TIMELESS: variants seen among roughly 807,000 people sequenced by gnomAD.
TIMELESS encodes the protein timeless circadian regulator, also known as protein timeless homolog.
In TIMELESS, 124 loss-of-function variants were observed where a neutral mutation model predicts 164.3. The ratio of observed to expected loss-of-function variants is 0.75; its 90% confidence interval spans 0.65 to 0.88. TIMELESS has a LOEUF of 0.88. TIMELESS is among the 40% of genes least tolerant of loss of function. TIMELESS has a pLI of 0.00. For synonymous variants in TIMELESS, 564 were observed against 563.4 expected (o/e 1.00, Z -0.02); for missense variants, 1,422 against 1,491.4 (o/e 0.95, Z 0.77).
intron 8 of TIMELESS, 142 bp from the exon 9 acceptor site, chr12:56,431,110 T>G (rs1881862476): frequency 1.8e-6 from 1 of 542,752 alleles, no homozygotes; most frequent in Admixed American, 4.0e-5. Context: ...TCCCAGCACT[T>G]TGGGAGGCTG....
Position 56,428,804 on chromosome 12 carries a change from A to C in TIMELESS, c.1304+79T>G. ...CCCCAGACTGATCACCTGAACCCTG[A>C]ATCAGGAAAAAAGCACCAGCCAGAA... On this transcript the variant is annotated intron_variant, in intron 11 of 28. Transcript: ENST00000553532. The C allele has an allele frequency of 2.6e-6, 4 of 1,534,802 alleles. No homozygotes were observed. The South Asian group carries it at 4.6e-5, about 18-fold the overall frequency.
Position 56,417,917 on chromosome 12 carries a change from G to A in TIMELESS, c.3546C>T (p.Gly1182=). 3 of 1,614,170 alleles carry A rather than the reference G, an allele frequency of 1.9e-6. No homozygotes were observed. Among genetic ancestry groups the A allele is most frequent in the African/African-American group, 1.3e-5 (1 of 75,036 alleles). The change falls in exon 28 of 29, where the codon GGC becomes GGT. Residue 1182 remains glycine, a synonymous_variant. Coordinates refer to ENST00000553532, the MANE Select transcript of TIMELESS (RefSeq NM_003920.5). ...DSDEEQEEDE[G]RNRAPELGAP... ...CATCAAATTCCCTACCTCTGTTCCT[G>A]CCCTCATCTTCTTCCTGTTCCTCGT...
intron 1 of TIMELESS, among the ~76,000 whole-genome samples, chr12:56,443,365 TG>T (rs1442767617): frequency 2.6e-5 from 4 of 152,210 alleles, no homozygotes; most frequent in Non-Finnish European, 5.9e-5. Context: ...AAATATGCCC[TG>T]GTCTCCTGCA....
In TIMELESS at chr12:56,417,284, T is replaced by A. The variant is rs1355087465; in HGVS notation, c.*432A>T. 1 of 178,218 alleles carries A rather than the reference T, an allele frequency of 5.6e-6. No homozygotes were observed. Among genetic ancestry groups the A allele is most frequent in the Non-Finnish European group, 1.2e-5 (1 of 82,978 alleles). 11.0% of individuals were successfully genotyped at this position (178,218 alleles called of 1,614,324 possible). A position where few individuals can be genotyped will look rare whatever the true frequency, so the allele number is the denominator to read the frequency against. On this transcript the variant is annotated 3_prime_UTR_variant, in exon 29 of 29. Transcript: ENST00000553532. ...AAAATGAGGACAGAGGCATCTGGTA[T>A]CTTCTAAAAGTGGTACAAAACTCCC...
intron 26 of TIMELESS, among the ~76,000 whole-genome samples, chr12:56,420,308 T>A (rs538135202): frequency 1.3e-5 from 2 of 151,758 alleles, no homozygotes; most frequent in Non-Finnish European, 2.9e-5. Context: ...AAGGGACAAC[T>A]GTAATCAAGA....
rs1565677142 is a variant in TIMELESS, at chr12:56,417,699, CT to C, written c.*16del. 2 of 1,614,060 alleles carry C rather than the reference CT, an allele frequency of 1.2e-6. No individual in the cohort carries two copies. Among genetic ancestry groups the C allele is most frequent in the Non-Finnish European group, 8.5e-7 (1 of 1,179,916 alleles). The stretch of plus-strand genomic sequence containing the variant: ...TCTAAAAACGTGTCTATCTCTACCC[CT>C]AGGCTTCTTAGCTCTTCAGTCATCC... On this transcript the variant is annotated 3_prime_UTR_variant, in exon 29 of 29. Coordinates refer to ENST00000553532, the MANE Select transcript of TIMELESS (RefSeq NM_003920.5).
rs372838377 is a variant in TIMELESS at position 56,418,200 on chromosome 12, G to T, written c.3388C>A (p.Arg1130=). The change falls in exon 27 of 29, where the codon CGA becomes AGA. Residue 1130 remains arginine, a synonymous_variant. Coordinates refer to ENST00000553532, the MANE Select transcript of TIMELESS (RefSeq NM_003920.5). ...GSDEEHCKEH[R]AQALRALLLA... is the part of the protein sequence containing the mutation. ...AAGAGGGCCCTCAGGGCTTGTGCTCGGTGCTCTTTACAGTGCTCCTCATCA... is the reference window on the plus strand; with the variant it reads ...AAGAGGGCCCTCAGGGCTTGTGCTCTGTGCTCTTTACAGTGCTCCTCATCA... 1.2e-5 allele frequency: 20 copies of T among 1,614,028 alleles called. No homozygotes were observed. The East Asian group carries it at 1.8e-4, about 14-fold the overall frequency.
At chr12:56,442,686 TG>T (rs1209504375) in intron 1 of TIMELESS, among the ~76,000 whole-genome samples, 1 of 152,184 alleles carries the variant, frequency 6.6e-6, no homozygotes, top group Non-Finnish European at 1.5e-5. Flanking sequence ...TAGGCCCAGA[TG>T]TGCTGGAGAA....
rs1375800321 is a variant in TIMELESS at position 56,424,931 on chromosome 12, T to C, written c.1717-18A>G. 10 of 1,614,032 alleles carry C rather than the reference T, an allele frequency of 6.2e-6. No individual in the cohort carries two copies. The highest frequency in any genetic ancestry group is 1.1e-5 in the South Asian group (1 of 91,084). On this transcript the variant is annotated intron_variant, in intron 14 of 28. Transcript: ENST00000553532. ...TCAGAATTCTAGAGATGGATAAAGC[T>C]ATGGGAGCGGAGGGAGTGGAAAACC...
chr12:56,422,251 AG>A, intron 19 of TIMELESS, 60 bp from the exon 20 acceptor site: 1 of 1,466,738 alleles, frequency 6.8e-7, no homozygotes, highest in East Asian at 2.3e-5. Flanking sequence ...AGGAGACCAA[AG>A]GCCTTCTCTG....
rs1186232342 is a variant in TIMELESS at position 56,424,830 on chromosome 12, C to G, written c.1800G>C (p.Met600Ile). Residue 600 changes from methionine to isoleucine, a missense_variant, in exon 15 of 29, where the codon ATG becomes ATC. Physicochemically the swap from Met to Ile is conservative, Grantham distance 10 (BLOSUM62 1). Coordinates refer to ENST00000553532, the MANE Select transcript of TIMELESS (RefSeq NM_003920.5). ...CCAGGAGACAGTCTTGGATCCGTAC[C>G]ATAGCTTCTGCCCGCTGCTCCTCCA... Reference protein sequence around the residue: ...VPVEEQRAEAMVRIQDCLLAG... With the variant: ...VPVEEQRAEAIVRIQDCLLAG... 6.2e-7 allele frequency: 1 copy of G among 1,614,092 alleles called. No homozygotes were observed. Among genetic ancestry groups the G allele is most frequent in the Admixed American group, 1.7e-5 (1 of 60,004 alleles).
At chr12:56,441,854 C>T (rs377360341) in intron 1 of TIMELESS, among the ~76,000 whole-genome samples, 11 of 152,042 alleles carry the variant, frequency 7.2e-5, no homozygotes, top group Admixed American at 6.6e-4. Flanking sequence ...GAAGCCAAGG[C>T]GGGTGGATCA....
chr12:56,443,064 C>T (rs1456859968), intron 1 of TIMELESS, among the ~76,000 whole-genome samples: 1 of 152,066 alleles, frequency 6.6e-6, no homozygotes, highest in Non-Finnish European at 1.5e-5. Context: ...TGTGTTTGAA[C>T]AATATGAAAT....
intron 12 of TIMELESS, 48 bp from the exon 13 acceptor site, chr12:56,428,453 T>C: frequency 1.2e-6 from 2 of 1,606,028 alleles, no homozygotes; most frequent in African/African-American, 1.3e-5. Context: ...CTGGAAAGCT[T>C]GAAAAGGAGA....
chr12:56,421,679 T>C, intron 22 of TIMELESS, 48 bp downstream of exon 22: 2 of 1,595,932 alleles, frequency 1.3e-6, no homozygotes, highest in Non-Finnish European at 1.7e-6. Flanking sequence ...AATAAATGGA[T>C]AGCTTGGCTT....
intron 1 of TIMELESS, among the ~76,000 whole-genome samples, chr12:56,446,781 G>A (rs1868356978): frequency 6.8e-6 from 1 of 147,526 alleles, no homozygotes; most frequent in Non-Finnish European, 1.5e-5. Flanking sequence ...CTGCACTCCA[G>A]CCTGGACAAT....
At chr12:56,434,783 G>A (rs1232856135) in intron 1 of TIMELESS, among the ~76,000 whole-genome samples, 1 of 152,062 alleles carries the variant, frequency 6.6e-6, no homozygotes, top group Non-Finnish European at 1.5e-5. Context: ...TGGGCACAGT[G>A]GCTCATGCCT....
At position 56,421,811 on chromosome 12, in the gene TIMELESS, T is replaced by C; in HGVS notation, c.2643-2A>G. 6.2e-7 allele frequency: 1 copy of C among 1,614,144 alleles called. No homozygotes were observed. On this transcript the variant is annotated splice_acceptor_variant, in intron 21 of 28. Coordinates refer to ENST00000553532, the MANE Select transcript of TIMELESS (RefSeq NM_003920.5). LOFTEE classifies it high-confidence loss of function. ...CACAGTACAATATGGGTTCCTTTCCTGATTAGGAAGGTGTCAGTGGAAGAG... is the reference window on the plus strand; with the variant it reads ...CACAGTACAATATGGGTTCCTTTCCCGATTAGGAAGGTGTCAGTGGAAGAG...
At chr12:56,431,008 C>G (rs1247129707) in intron 8 of TIMELESS, 40 bp from the exon 9 acceptor site, 1 of 1,396,492 alleles carries the variant, frequency 7.2e-7, no homozygotes, top group African/African-American at 1.5e-5. Context: ...TTTCAGTTCT[C>G]TGGAAACTTT....
Sources: allele counts gnomAD v4.1 joint callset (sites outside exome capture counted in the v4.1 genomes callset), GRCh38; gene constraint gnomAD v4.1.1; transcripts MANE v1.5; gene names NCBI Gene and HGNC (gene_info 2026-07-23, HGNC 2026-07-21).